The following ITGAX variants were observed in gnomAD, a reference collection of about 807,000 sequenced individuals.
The protein encoded by ITGAX is integrin alpha-X.
In ITGAX, 99 loss-of-function variants were observed where a neutral mutation model predicts 140.2. That is an observed-to-expected ratio of 0.71 (90% CI 0.60 to 0.83). ITGAX has a LOEUF of 0.83. Among genes scored for constraint, ITGAX ranks in the 40% least tolerant of loss-of-function variants. The pLI is 0.00. For synonymous variants in ITGAX, 631 were observed against 600.4 expected (o/e 1.05, Z -0.75); for missense variants, 1,444 against 1,482.0 (o/e 0.97, Z 0.42).
Position 31,380,588 on chromosome 16 carries a change from C to G in ITGAX, c.3240C>G (p.Ser1080=). 1 of 1,614,244 alleles carries G rather than the reference C, an allele frequency of 6.2e-7. No individual in the cohort carries two copies. Among genetic ancestry groups the G allele is most frequent in the Non-Finnish European group, 8.5e-7 (1 of 1,180,052 alleles). ...TTACGTTCGACACATCCGTGTACTC[C>G]CAGCTTCCAGGACAGGAGGCATTTA... The part of the protein sequence containing the change: ...AEITFDTSVY[S]QLPGQEAFMR... Residue 1080 remains serine, a synonymous_variant, in exon 28 of 30, where the codon TCC becomes TCG. Transcript: ENST00000268296.
rs1460850953 is a variant in ITGAX, at chr16:31,361,059, A to T, written c.862-4A>T. 8 of 1,611,844 alleles carry T rather than the reference A, an allele frequency of 5.0e-6. No individual in the cohort carries two copies. The highest frequency in any genetic ancestry group is 6.8e-6 in the Non-Finnish European group (8 of 1,179,486). ...TTTACTGAGTTGATCTTTTCTGGGG[A>T]CAGGTTGGATTAGCTTTTCAAAACA... On this transcript the variant is annotated splice_region_variant and splice_polypyrimidine_tract_variant and intron_variant, in intron 8 of 29. Transcript: ENST00000268296.
rs368045648 is a variant in ITGAX, at chr16:31,381,881, A to G, written c.3466A>G (p.Thr1156Ala). 2 of 890,332 alleles carry G rather than the reference A, an allele frequency of 2.2e-6. No individual in the cohort carries two copies. Among genetic ancestry groups the G allele is most frequent in the South Asian group, 2.6e-5 (2 of 76,858 alleles). The allele number at this position is 890,332 out of a possible 1,614,324, so 55.2% of individuals were successfully genotyped here. A position where few individuals can be genotyped will look rare whatever the true frequency, so the allele number is the denominator to read the frequency against. The change falls in exon 30 of 30, where the codon ACC becomes GCC. Residue 1156 changes from threonine to alanine, a missense_variant. Transcript: ENST00000268296. ...AATTGCCCCAGAAAACGGGACACAG[A>G]CCCCCAGCCCGCCCAGTGAGAAATG... ...GQIAPENGTQ[T>A]PSPPSEK
At chr16:31,378,004 C>T (rs1314806706) in intron 23 of ITGAX, among the ~76,000 whole-genome samples, 3 of 152,102 alleles carry the variant, frequency 2.0e-5, no homozygotes, top group Non-Finnish European at 4.4e-5. Context: ...GGACAGGTGC[C>T]GGAAGAGTGA....
intron 19 of ITGAX, 56 bp downstream of exon 19, chr16:31,372,726 G>T: frequency 6.6e-7 from 1 of 1,508,966 alleles, no homozygotes; most frequent in Non-Finnish European, 9.2e-7. Flanking sequence ...CCTGGAATCT[G>T]GGACTCCTGC....
chr16:31,381,656 A>C, intron 29 of ITGAX, 147 bp from the exon 30 acceptor site: 1 of 637,306 alleles, frequency 1.6e-6, no homozygotes, highest in Non-Finnish European at 2.8e-6. Context: ...GGCTAAATCT[A>C]GATGACATGA....
Position 31,363,151 on chromosome 16 carries a change from C to CTT in ITGAX, c.1501-8_1501-7dup. 6.2e-7 allele frequency: 1 copy of CTT among 1,608,508 alleles called. No individual in the cohort carries two copies. Among genetic ancestry groups the CTT allele is most frequent in the Non-Finnish European group, 8.5e-7 (1 of 1,177,476 alleles). ...GTTGCCCGGGTTGGGCCTGGCACTG[C>CTT]TTTTTTTCTGCAGTGGAGAAGGTGG... On this transcript the variant is annotated splice_polypyrimidine_tract_variant and intron_variant, in intron 13 of 29. Coordinates refer to ENST00000268296, the MANE Select transcript of ITGAX (RefSeq NM_000887.5).
chr16:31,364,327 C>T (rs995702533), intron 14 of ITGAX, among the ~76,000 whole-genome samples: 3 of 146,776 alleles, frequency 2.0e-5, no homozygotes, highest in Admixed American at 7.0e-5. Context: ...ACTCGGGAGG[C>T]TGAGGTGGGA....
In ITGAX at chr16:31,371,660, T is replaced by C. The variant is rs759376729; in HGVS notation, c.2036T>C (p.Leu679Pro). The change falls in exon 17 of 30, where the codon CTG becomes CCG. Residue 679 changes from leucine to proline, a missense_variant. Transcript: ENST00000268296. The part of the protein sequence containing the change: ...RDLQSSVTLD[L>P]ALDPGRLSPR... ...CTCCAAAGCTCTGTGACCTTGGACC[T>C]GGCCCTCGACCCTGGCCGCCTGAGT... 1.9e-6 allele frequency: 3 copies of C among 1,614,012 alleles called. No homozygotes were observed. In the East Asian group the frequency reaches 6.7e-5, roughly 36 times the overall value.
intron 5 of ITGAX, among the ~76,000 whole-genome samples, 159 bp from the exon 6 acceptor site, chr16:31,359,541 G>C (rs1445161274): frequency 1.3e-5 from 2 of 152,218 alleles, no homozygotes; most frequent in African/African-American, 4.8e-5. Context: ...CTCTGCCCCT[G>C]ATGAGGAGAG....
Position 31,380,459 on chromosome 16 carries a change from C to A in ITGAX, c.3175-64C>A, listed in dbSNP as rs1004600471. The A allele has an allele frequency of 1.2e-5, 20 of 1,611,670 alleles. No homozygotes were observed. In the Admixed American group the frequency reaches 3.3e-4, roughly 27 times the overall value. On this transcript the variant is annotated intron_variant, in intron 27 of 29. Coordinates refer to ENST00000268296, the MANE Select transcript of ITGAX (RefSeq NM_000887.5). ...GTCTGTGCCCATCTGCAAGCCAGGG[C>A]ACCCCCAGAGCTCTGAGCCTCCCCC...
chr16:31,362,076 A>T lies in ITGAX; in HGVS notation c.1088A>T (p.Asp363Val). 6.2e-7 allele frequency: 1 copy of T among 1,614,032 alleles called. No individual in the cohort carries two copies. Among genetic ancestry groups the T allele is most frequent in the South Asian group, 1.1e-5 (1 of 91,084 alleles). Residue 363 changes from aspartate to valine, a missense_variant and splice_region_variant, in exon 11 of 30, where the codon GAT becomes GTT. Asp to Val is a radical substitution (Grantham distance 152). Coordinates refer to ENST00000268296, the MANE Select transcript of ITGAX (RefSeq NM_000887.5). The part of the protein sequence containing the change: ...QEGFSAVFTP[D>V]GPVLGAVGSF... ...AGCCCTGGAATCCTTTTCTCCCAGG[A>T]TGGCCCCGTTCTGGGGGCTGTGGGG...
In ITGAX at chr16:31,376,999, G is replaced by A; in HGVS notation, c.2626-1G>A. The stretch of plus-strand genomic sequence containing the variant: ...GTGACCTCTCAGTTCCTTTTCCTCA[G>A]ATCACCTTCTTGGCTACCTTTGACG... On this transcript the variant is annotated splice_acceptor_variant, in intron 21 of 29. Coordinates refer to ENST00000268296, the MANE Select transcript of ITGAX (RefSeq NM_000887.5). LOFTEE classifies it high-confidence loss of function. The A allele has an allele frequency of 6.2e-7, 1 of 1,614,144 alleles. No individual in the cohort carries two copies. Among genetic ancestry groups the A allele is most frequent in the Non-Finnish European group, 8.5e-7 (1 of 1,180,026 alleles).
intron 23 of ITGAX, among the ~76,000 whole-genome samples, chr16:31,378,933 A>G (rs1234787817): frequency 6.6e-6 from 1 of 151,726 alleles, no homozygotes; most frequent in African/African-American, 2.4e-5. Flanking sequence ...CTCGTGCCTC[A>G]GCCTCCCAAG....
At chr16:31,379,670 C>T (rs933182565) in intron 24 of ITGAX, 24 bp downstream of exon 24, 1 of 1,570,074 alleles carries the variant, frequency 6.4e-7, no homozygotes, top group African/African-American at 1.4e-5. Context: ...ACGCAGGAGA[C>T]TGGGCTGGGG....
chr16:31,361,401 G>A, intron 9 of ITGAX, 188 bp downstream of exon 9: 1 of 735,002 alleles, frequency 1.4e-6, no homozygotes, highest in South Asian at 1.7e-5. Flanking sequence ...GCCCCAAAGT[G>A]GCCCCAGGGA....
At position 31,372,648 on chromosome 16, in the gene ITGAX, G is replaced by A. The variant is rs770243522; in HGVS notation, c.2344G>A (p.Gly782Ser). The change falls in exon 19 of 30, where the codon GGC becomes AGC. Residue 782 changes from glycine (G) to serine (S), a missense_variant. Transcript: ENST00000268296. ...CGACCATATCTGCCAGGACAATCTC[G>A]GCATCTCCTTCAGCTTCCCAGGGTG... ...GADHICQDNL[G>S]ISFSFPGLKS... 1.7e-5 allele frequency: 27 copies of A among 1,613,890 alleles called. No individual in the cohort carries two copies. Among genetic ancestry groups the A allele is most frequent in the Admixed American group, 3.3e-5 (2 of 60,002 alleles).
chr16:31,371,280 C>T (rs202159817), intron 15 of ITGAX, 54 bp from the exon 16 acceptor site: 104 of 1,608,262 alleles, frequency 6.5e-5, no homozygotes, highest in Admixed American at 8.4e-5. Context: ...GCCCACCCCA[C>T]GTGGTGCTCC....
At chr16:31,363,463 T>C in intron 14 of ITGAX, 89 bp downstream of exon 14, 1 of 1,454,874 alleles carries the variant, frequency 6.9e-7, no homozygotes. Flanking sequence ...CTTTTTACCT[T>C]TTCCTACCTC....
rs376377857 is a variant in ITGAX, at chr16:31,357,024, C to T, written c.248-7C>T. 4.1e-5 allele frequency: 66 copies of T among 1,606,484 alleles called. No homozygotes were observed. Among genetic ancestry groups the T allele is most frequent in the Non-Finnish European group, 5.6e-5 (66 of 1,178,376 alleles). Reference sequence around the variant, plus strand: ...GAGAGTGACCATGCACATATCTGTCCCCACAGTGCCCCCGGAGGCCGTGAA... The same window carrying T: ...GAGAGTGACCATGCACATATCTGTCTCCACAGTGCCCCCGGAGGCCGTGAA... On this transcript the variant is annotated splice_region_variant and splice_polypyrimidine_tract_variant and intron_variant, in intron 3 of 29. Coordinates refer to ENST00000268296, the MANE Select transcript of ITGAX (RefSeq NM_000887.5).
Sources: allele counts gnomAD v4.1 joint callset (sites outside exome capture counted in the v4.1 genomes callset), GRCh38; gene constraint gnomAD v4.1.1; transcripts MANE v1.5; gene names NCBI Gene and HGNC (gene_info 2026-07-23, HGNC 2026-07-21).